The following AKAP6 variants were observed in gnomAD, a reference collection of about 807,000 sequenced individuals.
The protein encoded by AKAP6 is A-kinase anchor protein 6.
In AKAP6, 58 loss-of-function variants were observed where a neutral mutation model predicts 188.5. The ratio of observed to expected loss-of-function variants is 0.31; its 90% CI spans 0.25 to 0.38. The LOEUF is 0.38. Among genes scored for constraint, AKAP6 ranks in the 10% least tolerant of loss-of-function variants. The probability of loss-of-function intolerance (pLI) is 1.00; values close to 1 mark genes in which losing one functional copy is unlikely to be tolerated. For synonymous variants in AKAP6, 989 were observed against 998.6 expected (o/e 0.99, Z 0.18); for missense variants, 2,710 against 2,740.0 (o/e 0.99, Z 0.24).
At chr14:32,427,142 C>T (rs1890061317) in intron 1 of AKAP6, among the ~76,000 whole-genome samples, 1 of 152,030 alleles carries the variant, frequency 6.6e-6, no homozygotes, top group East Asian at 1.9e-4. Flanking sequence ...GTGCTGTTTC[C>T]CCCCTGGGGC....
intron 12 of AKAP6, among the ~76,000 whole-genome samples, chr14:32,816,839 T>A (rs76045108): frequency 0.091 from 13,771 of 152,130 alleles, 787 homozygotes; most frequent in South Asian, 0.22. Flanking sequence ...TCCAGATAAA[T>A]CTCTCCTGCC....
chr14:32,694,841 A>T (rs1293274093), intron 8 of AKAP6, among the ~76,000 whole-genome samples: 1 of 152,206 alleles, frequency 6.6e-6, no homozygotes, highest in South Asian at 2.1e-4. Flanking sequence ...ATGTACAGAG[A>T]CAAGAACAGG....
chr14:32,536,358 G>A (rs1460605342), intron 3 of AKAP6, among the ~76,000 whole-genome samples: 1 of 152,182 alleles, frequency 6.6e-6, no homozygotes, highest in Non-Finnish European at 1.5e-5. Flanking sequence ...CATGTTCTAG[G>A]CAGAGGACAT....
chr14:32,735,618 T>C, intron 10 of AKAP6, 40 bp from the exon 11 acceptor site: 1 of 1,436,152 alleles, frequency 7.0e-7, no homozygotes, highest in East Asian at 2.3e-5. Flanking sequence ...TTTTTTTTGT[T>C]TGTTTGTTTT....
intron 1 of AKAP6, chr14:32,403,444 G>T (rs542915728): frequency 2.0e-5 from 3 of 152,316 alleles, no homozygotes; most frequent in Admixed American, 2.0e-4. Context: ...TGATTAGACT[G>T]ATTGTATTTT....
chr14:32,642,701 A>G (rs1026880047), intron 7 of AKAP6, among the ~76,000 whole-genome samples: 2 of 152,210 alleles, frequency 1.3e-5, no homozygotes, highest in Non-Finnish European at 2.9e-5. Flanking sequence ...ACAAATATAA[A>G]TGAATTCCCC....
chr14:32,423,944 GGACAGA>G (rs1176228515), intron 1 of AKAP6, among the ~76,000 whole-genome samples: 9 of 152,098 alleles, frequency 5.9e-5, no homozygotes, highest in African/African-American at 2.2e-4. Context: ...GGAGTAGGTA[GGACAGA>G]GTGCAGAACT....
chr14:32,810,158 A>G (rs940802100), intron 12 of AKAP6, among the ~76,000 whole-genome samples: 1 of 152,158 alleles, frequency 6.6e-6, no homozygotes, highest in Non-Finnish European at 1.5e-5. Context: ...TGCTAGCTCA[A>G]GGCCCCATAT....
intron 4 of AKAP6, among the ~76,000 whole-genome samples, chr14:32,556,040 GTTACACCATT>G (rs1883672471): frequency 6.6e-6 from 1 of 151,588 alleles, no homozygotes; most frequent in Non-Finnish European, 1.5e-5. Context: ...TTTCAAAGTA[GTTACACCATT>G]TTACAATCCC....
At chr14:32,354,739 C>T (rs952132738) in intron 1 of AKAP6, among the ~76,000 whole-genome samples, 2 of 152,174 alleles carry the variant, frequency 1.3e-5, no homozygotes, top group African/African-American at 4.8e-5. Context: ...TAAGTCAGCT[C>T]GTAAACTAAA....
At position 32,422,108 on chromosome 14, in the gene AKAP6, G is replaced by T. The variant is rs140252829; in HGVS notation, c.-34-11352G>T. On this transcript the variant is annotated intron_variant, in intron 1 of 13. Transcript: ENST00000280979. ...TAAGGAGAGACCTATAGTTCTAGCT[G>T]ATTTTTAAACATTTTTAAAAATCAA... Among the ~76,000 whole-genome samples, 206 of 152,256 alleles carry T rather than the reference G, an allele frequency of 1.4e-3. 1 individual carries two copies. The highest frequency in any genetic ancestry group is 4.8e-3 in the African/African-American group (200 of 41,550).
Position 32,352,853 on chromosome 14 carries a change from A to G in AKAP6, c.-35+23445A>G, listed in dbSNP as rs527392509. ...CTTGGCTATTGTGAATAGTGACACA[A>G]TAAACGTGGGAGTGCAGATGTCTCT... On this transcript the variant is annotated intron_variant, in intron 1 of 13. Coordinates refer to ENST00000280979, the MANE Select transcript of AKAP6 (RefSeq NM_004274.5). 2.6e-5 allele frequency among the ~76,000 whole-genome samples: 4 copies of G among 152,352 alleles called. No homozygotes were observed. The South Asian group carries it at 8.3e-4, about 32-fold the overall frequency.
At chr14:32,423,265 G>A (rs187950071) in intron 1 of AKAP6, among the ~76,000 whole-genome samples, 36 of 152,202 alleles carry the variant, frequency 2.4e-4, no homozygotes, top group Non-Finnish European at 5.9e-5. Flanking sequence ...GACCTCTTGG[G>A]ATCAGATGAT....
intron 1 of AKAP6, among the ~76,000 whole-genome samples, chr14:32,368,360 T>C (rs1887900986): frequency 6.6e-6 from 1 of 152,166 alleles, no homozygotes; most frequent in Admixed American, 6.5e-5. Flanking sequence ...TGGAAGTATG[T>C]ATAAGTGTGA....
At chr14:32,618,201 A>T (rs976567686) in intron 7 of AKAP6, among the ~76,000 whole-genome samples, 1 of 152,164 alleles carries the variant, frequency 6.6e-6, no homozygotes, top group African/African-American at 2.4e-5. Flanking sequence ...CCATTAAAAA[A>T]ATTTTTCAGT....
chr14:32,524,355 G>A (rs1299319109), intron 2 of AKAP6, among the ~76,000 whole-genome samples: 3 of 152,116 alleles, frequency 2.0e-5, no homozygotes, highest in African/African-American at 7.2e-5. Flanking sequence ...GGCTGGTAAA[G>A]TTCTAAATTT....
intron 1 of AKAP6, among the ~76,000 whole-genome samples, chr14:32,421,684 G>A (rs938321960): frequency 5.3e-5 from 8 of 152,046 alleles, no homozygotes; most frequent in African/African-American, 1.2e-4. Flanking sequence ...TTGACTGCCC[G>A]CTCATATTTA....
chr14:32,418,321 A>T (rs1889726018), intron 1 of AKAP6, among the ~76,000 whole-genome samples: 1 of 152,208 alleles, frequency 6.6e-6, no homozygotes, highest in East Asian at 1.9e-4. Context: ...AAGTGCTGGG[A>T]TGTTAAAGTT....
intron 7 of AKAP6, among the ~76,000 whole-genome samples, chr14:32,674,198 G>A (rs1463695481): frequency 6.6e-6 from 1 of 152,166 alleles, no homozygotes; most frequent in African/African-American, 2.4e-5. Context: ...ACAGGGGCAT[G>A]GTGATCAAGA....
Sources: allele counts gnomAD v4.1 joint callset (sites outside exome capture counted in the v4.1 genomes callset), GRCh38; gene constraint gnomAD v4.1.1; transcripts MANE v1.5; gene names NCBI Gene and HGNC (gene_info 2026-07-23, HGNC 2026-07-21).